The following PSD3 variants were observed in gnomAD, a reference collection of about 807,000 sequenced individuals.
PSD3 encodes pleckstrin and Sec7 domain containing 3.
A neutral mutation model predicts 105.5 loss-of-function variants in PSD3; 49 were observed. The ratio of observed to expected loss-of-function variants is 0.46; its 90% CI spans 0.37 to 0.59. The LOEUF is 0.59. PSD3 is among the 20% of genes least tolerant of loss of function. The pLI, the probability that PSD3 is intolerant of heterozygous loss-of-function variation, is 0.00. For synonymous variants in PSD3, 557 were observed against 457.8 expected (o/e 1.22, Z -2.77); for missense variants, 1,561 against 1,263.8 (o/e 1.24, Z -3.57).
intron 8 of PSD3, among the ~76,000 whole-genome samples, chr8:18,782,859 G>A (rs1182519353): frequency 6.6e-6 from 1 of 152,216 alleles, no homozygotes; most frequent in East Asian, 1.9e-4. Flanking sequence ...GGTGGCACAT[G>A]GCCGTAGGCA....
In PSD3 at chr8:18,891,347, C is replaced by T. The variant is rs78217808; in HGVS notation, c.131-18614G>A. Among the ~76,000 whole-genome samples, 105 of 152,118 alleles carry T rather than the reference C, an allele frequency of 6.9e-4. No individual in the cohort carries two copies. In the East Asian group the frequency reaches 0.015, roughly 22 times the overall value. On this transcript the variant is annotated intron_variant, in intron 2 of 15. Coordinates refer to ENST00000327040, the MANE Select transcript of PSD3 (RefSeq NM_015310.4). ...AATACATTAAAACAATAAATAAATG[C>T]GTTTTCGTTCGCTTCCACTTCAGGA...
At chr8:19,007,723 G>C (rs997508426) in intron 1 of PSD3, among the ~76,000 whole-genome samples, 1 of 149,632 alleles carries the variant, frequency 6.7e-6, no homozygotes, top group African/African-American at 2.4e-5. Flanking sequence ...CTTAATATTT[G>C]CTGAATGCTT....
chr8:18,936,015 G>C lies in PSD3; in HGVS notation c.130+19C>G. The C allele has an allele frequency of 6.8e-7, 1 of 1,463,734 alleles. No homozygotes were observed. The highest frequency in any genetic ancestry group is 1.4e-5 in the African/African-American group (1 of 72,044). 90.7% of individuals were successfully genotyped at this position (1,463,734 alleles called of 1,614,324 possible). On this transcript the variant is annotated intron_variant, in intron 2 of 15. Transcript: ENST00000327040. ...CTTCATATAGTTTACCTGGGAGAGG[G>C]ATATGAGGAAATACTTACTAGTATC...
At chr8:18,878,098 G>C (rs940484488) in intron 2 of PSD3, among the ~76,000 whole-genome samples, 3 of 152,076 alleles carry the variant, frequency 2.0e-5, no homozygotes, top group African/African-American at 7.2e-5. Context: ...CCATGACCAT[G>C]GGCTGTCTTT....
intron 11 of PSD3, among the ~76,000 whole-genome samples, chr8:18,621,632 G>A (rs1228912242): frequency 6.6e-6 from 1 of 152,048 alleles, no homozygotes; most frequent in Non-Finnish European, 1.5e-5. Flanking sequence ...AGGTGCTCCT[G>A]CGCGTTCACA....
At chr8:18,739,885 A>G (rs1005113747) in intron 9 of PSD3, among the ~76,000 whole-genome samples, 5 of 152,206 alleles carry the variant, frequency 3.3e-5, no homozygotes, top group African/African-American at 9.7e-5. Flanking sequence ...ATATTTGTAA[A>G]GAATATTAGA....
chr8:18,823,951 G>A (rs758030420), intron 4 of PSD3, among the ~76,000 whole-genome samples: 6 of 152,076 alleles, frequency 3.9e-5, no homozygotes, highest in South Asian at 2.1e-4. Context: ...TGGCTGAGGC[G>A]GGAGGATTGC....
intron 9 of PSD3, among the ~76,000 whole-genome samples, chr8:18,699,802 G>C (rs900834469): frequency 6.6e-6 from 1 of 151,826 alleles, no homozygotes; most frequent in South Asian, 2.1e-4. Context: ...CAGTATTTAA[G>C]CCAAAGTTCA....
intron 14 of PSD3, among the ~76,000 whole-genome samples, chr8:18,561,345 A>C (rs1801386518): frequency 6.6e-6 from 1 of 152,220 alleles, no homozygotes; most frequent in Admixed American, 6.5e-5. Context: ...ACAAACCTGG[A>C]GGACATTTTG....
At chr8:18,788,604 GAT>G (rs1809407374) in intron 8 of PSD3, among the ~76,000 whole-genome samples, 1 of 152,152 alleles carries the variant, frequency 6.6e-6, no homozygotes, top group Non-Finnish European at 1.5e-5. Context: ...CTTCATTTTT[GAT>G]AGTGTCAGGT....
At chr8:18,635,487 C>T (rs1451161655) in intron 10 of PSD3, among the ~76,000 whole-genome samples, 1 of 151,942 alleles carries the variant, frequency 6.6e-6, no homozygotes, top group Non-Finnish European at 1.5e-5. Flanking sequence ...CTAACACTTA[C>T]CATACTATGC....
intron 9 of PSD3, among the ~76,000 whole-genome samples, chr8:18,673,267 C>G (rs1259785916): frequency 1.3e-5 from 2 of 152,060 alleles, no homozygotes; most frequent in African/African-American, 4.8e-5. Flanking sequence ...ATATTAAAAT[C>G]ATACCACAGT....
chr8:18,597,078 G>C (rs920934995), intron 12 of PSD3, among the ~76,000 whole-genome samples: 41 of 152,198 alleles, frequency 2.7e-4, no homozygotes, highest in African/African-American at 9.6e-4. Flanking sequence ...CATAATGCTG[G>C]CAAACTGAAT....
chr8:18,923,343 T>C (rs1439013129), intron 2 of PSD3, among the ~76,000 whole-genome samples: 1 of 152,168 alleles, frequency 6.6e-6, no homozygotes, highest in Non-Finnish European at 1.5e-5. Flanking sequence ...TAAAGCCACA[T>C]AAGGGTTGCC....
intron 9 of PSD3, among the ~76,000 whole-genome samples, chr8:18,759,369 C>T (rs761056653): frequency 1.3e-5 from 2 of 152,076 alleles, no homozygotes; most frequent in Non-Finnish European, 2.9e-5. Context: ...CTTAGACCTA[C>T]TTGTGTATTT....
chr8:18,604,193 C>A (rs949916990), intron 11 of PSD3, among the ~76,000 whole-genome samples: 1 of 152,128 alleles, frequency 6.6e-6, no homozygotes, highest in African/African-American at 2.4e-5. Context: ...GACCAAAATG[C>A]TGGCAGTGAT....
At chr8:18,659,188 C>G (rs1217399788) in intron 9 of PSD3, among the ~76,000 whole-genome samples, 1 of 152,104 alleles carries the variant, frequency 6.6e-6, no homozygotes, top group South Asian at 2.1e-4. Context: ...AACTTCGCAG[C>G]CTCCCCTATT....
At chr8:19,026,081 A>T (rs1416968715) in intron 1 of PSD3, among the ~76,000 whole-genome samples, 1 of 152,166 alleles carries the variant, frequency 6.6e-6, no homozygotes, top group African/African-American at 2.4e-5. Flanking sequence ...ACCATCAGAT[A>T]TTGTGAGGCT....
intron 9 of PSD3, among the ~76,000 whole-genome samples, chr8:18,681,940 C>T (rs1406661111): frequency 1.3e-5 from 2 of 151,604 alleles, no homozygotes; most frequent in Non-Finnish European, 2.9e-5. Context: ...ATGTGATGGC[C>T]TACTGACTAC....
Sources: gnomAD v4.1 joint callset for allele counts (sites outside exome capture counted in the v4.1 genomes callset) on GRCh38, gnomAD v4.1.1 for gene constraint, MANE v1.5 for transcripts, NCBI Gene and HGNC (gene_info 2026-07-23, HGNC 2026-07-21) for gene names.